MDN1: variants seen among roughly 807,000 people sequenced by gnomAD.
MDN1 encodes the protein midasin AAA ATPase 1, also known as midasin.
A neutral mutation model predicts 669.2 loss-of-function variants in MDN1; 266 were observed. The observed-to-expected ratio is 0.40, with a 90% CI of 0.36 to 0.44. The LOEUF (loss-of-function observed/expected upper bound fraction) is 0.44. Among genes scored for constraint, MDN1 ranks in the 20% least tolerant of loss-of-function variants. MDN1 has a pLI of 1.00. For missense variants in MDN1, 5,940 were observed against 6,754.0 expected, an observed-to-expected ratio of 0.88 and a Z score of 4.22; for synonymous variants, 2,385 against 2,457.1, an observed-to-expected ratio of 0.97 and a Z score of 0.87.
intron 73 of MDN1, 105 bp from the exon 74 acceptor site, chr6:89,680,856 A>G: frequency 1.6e-6 from 2 of 1,221,904 alleles, no homozygotes; most frequent in Non-Finnish European, 2.3e-6. Context: ...TCCCTAGTTC[A>G]GCAAATAGAG....
At chr6:89,722,916 C>T in intron 40 of MDN1, 39 bp downstream of exon 40, 5 of 1,548,900 alleles carry the variant, frequency 3.2e-6, no homozygotes, top group Non-Finnish European at 4.4e-6. Context: ...AATCAACTTT[C>T]AGATGGAAAG....
At chr6:89,661,951 G>T in intron 87 of MDN1, 136 bp downstream of exon 87, 1 of 1,004,370 alleles carries the variant, frequency 1.0e-6, no homozygotes, top group Non-Finnish European at 1.5e-6. Flanking sequence ...AGCCTCTGTT[G>T]CATATTCTTT....
chr6:89,671,223 G>T, intron 82 of MDN1, 143 bp from the exon 83 acceptor site: 1 of 844,744 alleles, frequency 1.2e-6, no homozygotes, highest in Admixed American at 2.8e-5. Context: ...GTATGTGTTT[G>T]TAACCTCCAC....
At chr6:89,803,895 C>CTTTTTTTTTTTTTTT (rs56246331) in intron 1 of MDN1, among the ~76,000 whole-genome samples, 1 of 76,410 alleles carries the variant, frequency 1.3e-5, no homozygotes, top group Non-Finnish European at 2.3e-5. Flanking sequence ...CTTTTCTTTT[C>CTTTTTTTTTTTTTTT]TTTTTTTTTT....
At chr6:89,732,863 A>C in intron 33 of MDN1, 88 bp from the exon 34 acceptor site, 4 of 1,165,914 alleles carry the variant, frequency 3.4e-6, no homozygotes, top group Non-Finnish European at 4.9e-6. Context: ...AATGGCCTAA[A>C]AGGGGTCTCT....
intron 7 of MDN1, 98 bp downstream of exon 7, chr6:89,789,682 A>G (rs1819147459): frequency 2.2e-6 from 3 of 1,384,026 alleles, no homozygotes; most frequent in Non-Finnish European, 2.9e-6. Flanking sequence ...AATCAAATAC[A>G]TTTTTGTTTA....
At chr6:89,688,829 T>C (rs199886669) in intron 65 of MDN1, 21 bp from the exon 66 acceptor site, 2 of 1,588,414 alleles carry the variant, frequency 1.3e-6, no homozygotes, top group African/African-American at 2.7e-5. Context: ...AACATCACGG[T>C]AAAGTCAGTG....
At chr6:89,674,780 T>A (rs961778857) in intron 78 of MDN1, among the ~76,000 whole-genome samples, 191 bp from the exon 79 acceptor site, 1 of 152,184 alleles carries the variant, frequency 6.6e-6, no homozygotes, top group Admixed American at 6.5e-5. Flanking sequence ...TCCCTCAGTC[T>A]TTCAGGAGAA....
intron 2 of MDN1, among the ~76,000 whole-genome samples, chr6:89,799,839 C>T (rs1767515066): frequency 6.6e-6 from 1 of 152,168 alleles, no homozygotes; most frequent in Admixed American, 6.6e-5. Flanking sequence ...CAATCTGGTT[C>T]CAGGACAGAG....
At chr6:89,752,848 G>A (rs1817023656) in intron 22 of MDN1, among the ~76,000 whole-genome samples, 1 of 152,174 alleles carries the variant, frequency 6.6e-6, no homozygotes, top group African/African-American at 2.4e-5. Context: ...TTATGGGCCG[G>A]GCACGGTGAC....
At chr6:89,710,239 G>A (rs1381602425) in intron 50 of MDN1, among the ~76,000 whole-genome samples, 1 of 152,168 alleles carries the variant, frequency 6.6e-6, no homozygotes, top group East Asian at 1.9e-4. Context: ...AACACAGGCA[G>A]AGACAGTGAA....
At chr6:89,704,082 T>C (rs1243526506) in intron 53 of MDN1, among the ~76,000 whole-genome samples, 1 of 151,724 alleles carries the variant, frequency 6.6e-6, no homozygotes, top group Non-Finnish European at 1.5e-5. Context: ...AAGCAAAACT[T>C]AGAATTCTGA....
chr6:89,740,202 TAGAA>T (rs1180382844), intron 32 of MDN1, 28 bp downstream of exon 32: 1 of 1,607,412 alleles, frequency 6.2e-7, no homozygotes, highest in Non-Finnish European at 8.5e-7. Context: ...GGTCAAAACC[TAGAA>T]AGAAAATGTG....
intron 96 of MDN1, 109 bp downstream of exon 96, chr6:89,650,623 G>A (rs1808784085): frequency 5.0e-6 from 4 of 798,716 alleles, no homozygotes; most frequent in African/African-American, 1.7e-5. Flanking sequence ...CGGCACAAGC[G>A]GCAGCCTAGA....
At position 89,690,798 on chromosome 6, in the gene MDN1, C is replaced by T. The variant is rs1323387862; in HGVS notation, c.10624G>A (p.Ala3542Thr). 3.7e-6 allele frequency: 6 copies of T among 1,613,976 alleles called. No homozygotes were observed. The highest frequency in any genetic ancestry group is 5.1e-6 in the Non-Finnish European group (6 of 1,180,026). The stretch of plus-strand genomic sequence containing the variant: ...CTTTCCTGCTCAGCCTTCTCTTGGG[C>T]TATGCGTTCCTGCTCATCCCACTCA... ...ISEWDEQERI[A>T]QEKAEQESGL... The change falls in exon 64 of 102, where the codon GCC becomes ACC. Residue 3542 changes from alanine (A) to threonine (T), a missense_variant. Physicochemically the swap from Ala to Thr is moderately conservative, Grantham distance 58 (BLOSUM62 0). Coordinates refer to ENST00000369393, the MANE Select transcript of MDN1 (RefSeq NM_014611.3).
chr6:89,738,558 T>C, intron 32 of MDN1, 103 bp from the exon 33 acceptor site: 2 of 1,207,466 alleles, frequency 1.7e-6, no homozygotes, highest in South Asian at 2.9e-5. Context: ...CAGCAAATAC[T>C]ACACACTTTT....
intron 90 of MDN1, among the ~76,000 whole-genome samples, chr6:89,657,509 G>A (rs758018258): frequency 7.9e-5 from 12 of 152,182 alleles, no homozygotes; most frequent in East Asian, 1.9e-4. Context: ...TAAATTAGAC[G>A]TTTAGAAACC....
intron 17 of MDN1, among the ~76,000 whole-genome samples, chr6:89,760,094 T>A (rs1465560978): frequency 6.6e-6 from 1 of 151,582 alleles, no homozygotes; most frequent in Non-Finnish European, 1.5e-5. Flanking sequence ...TAATAATAAT[T>A]CTGATGACCA....
At chr6:89,729,229 T>C in intron 35 of MDN1, 90 bp from the exon 36 acceptor site, 2 of 995,204 alleles carry the variant, frequency 2.0e-6, no homozygotes, top group Non-Finnish European at 3.0e-6. Flanking sequence ...ATCTACCACA[T>C]GGGTTATCAG....
Sources: allele counts gnomAD v4.1 joint callset (sites outside exome capture counted in the v4.1 genomes callset), GRCh38; gene constraint gnomAD v4.1.1; transcripts MANE v1.5; gene names NCBI Gene and HGNC (gene_info 2026-07-23, HGNC 2026-07-21).